Variants in FANCB observed in about 807,000 individuals in gnomAD.
The protein encoded by FANCB is FA complementation group B.
In FANCB, 5 loss-of-function variants were observed where a neutral mutation model predicts 38.9. The ratio of observed to expected loss-of-function variants is 0.13; its 90% confidence interval spans 0.07 to 0.27. FANCB has a LOEUF of 0.27. Among genes scored for constraint, FANCB ranks in the 10% least tolerant of loss-of-function variants. The pLI, the probability that FANCB is intolerant of heterozygous loss-of-function variation, is 1.00. For synonymous variants in FANCB, 236 were observed against 215.4 expected, an observed-to-expected ratio of 1.10 and a Z score of -0.84; for missense variants, 573 against 602.7, an observed-to-expected ratio of 0.95 and a Z score of 0.52.
chrX:14,863,023 T>C lies in FANCB; in HGVS notation c.951+1537A>G, dbSNP rs1321375275. Among the ~76,000 whole-genome samples, 9 of 112,493 alleles carry C rather than the reference T, an allele frequency of 8.0e-5. No individual in the cohort carries two copies. In the South Asian group the frequency reaches 2.9e-3, roughly 36 times the overall value. On this transcript the variant is annotated intron_variant, in intron 3 of 9. Coordinates refer to ENST00000650831, the MANE Select transcript of FANCB (RefSeq NM_001018113.3). ...ATAATGCGCTTTTAAAAGATTGCTT[T>C]CAAGATAAAATAGGATAGCTTTCAA...
At chrX:14,729,789 G>A in the FANCB span, among the ~76,000 whole-genome samples, 55,648 of 109,581 alleles carry the variant, frequency 0.51, 10,634 homozygotes, top group Non-Finnish European at 0.58. Context: ...ACACAGCACA[G>A]GCTCAGTAAA....
the FANCB span, among the ~76,000 whole-genome samples, chrX:14,829,739 G>A: frequency 8.9e-6 from 1 of 112,062 alleles, no homozygotes; most frequent in Admixed American, 9.5e-5. Context: ...GTTAGAGAGT[G>A]CTCTGGTTAG....
At chrX:14,781,199 G>C in the FANCB span, among the ~76,000 whole-genome samples, 2 of 106,785 alleles carry the variant, frequency 1.9e-5, no homozygotes, top group South Asian at 7.6e-4. Context: ...GGAGGCTCAG[G>C]TGGGCGGATC....
chrX:14,852,409 C>T (rs780774983), intron 6 of FANCB, among the ~76,000 whole-genome samples: 2 of 110,720 alleles, frequency 1.8e-5, no homozygotes, highest in Admixed American at 9.6e-5. Context: ...CCTCGTGATC[C>T]GCCCGTCTCG....
At chrX:14,713,951 C>T in the FANCB span, among the ~76,000 whole-genome samples, 1 of 111,214 alleles carries the variant, frequency 9.0e-6, no homozygotes, top group Non-Finnish European at 1.9e-5. Flanking sequence ...GTCTAGAAGC[C>T]AGCAGACCAT....
chrX:14,820,159 T>C, the FANCB span, among the ~76,000 whole-genome samples: 7 of 111,070 alleles, frequency 6.3e-5, no homozygotes, highest in Non-Finnish European at 9.4e-5. Flanking sequence ...TCTCTCTTCC[T>C]GGAAAACACT....
chrX:14,816,411 T>C, the FANCB span, among the ~76,000 whole-genome samples: 1 of 112,145 alleles, frequency 8.9e-6, no homozygotes, highest in Non-Finnish European at 1.9e-5. Flanking sequence ...CCCACTTGTT[T>C]CTTGTTTCAG....
chrX:14,697,204 G>T, the FANCB span, among the ~76,000 whole-genome samples: 1 of 112,058 alleles, frequency 8.9e-6, no homozygotes, highest in Non-Finnish European at 1.9e-5. Context: ...ACAACTGTGT[G>T]AGTAATGCAA....
chrX:14,774,474 G>T, the FANCB span, among the ~76,000 whole-genome samples: 1 of 111,924 alleles, frequency 8.9e-6, no homozygotes, highest in Non-Finnish European at 1.9e-5. Context: ...TTAATCAATG[G>T]CAATAGGGAC....
the FANCB span, among the ~76,000 whole-genome samples, chrX:14,763,560 C>T: frequency 8.9e-6 from 1 of 112,024 alleles, no homozygotes; most frequent in Non-Finnish European, 1.9e-5. Flanking sequence ...AAGCTTATAA[C>T]TCTGCTTCTT....
At chrX:14,707,748 A>G in the FANCB span, among the ~76,000 whole-genome samples, 1 of 81,138 alleles carries the variant, frequency 1.2e-5, no homozygotes, top group African/African-American at 5.1e-5. Flanking sequence ...CTACTTTGAC[A>G]GCAAAAAAGG....
At chrX:14,704,839 A>T in the FANCB span, among the ~76,000 whole-genome samples, 3 of 111,892 alleles carry the variant, frequency 2.7e-5, no homozygotes, top group South Asian at 1.1e-3. Flanking sequence ...ACTGCTTGAA[A>T]CCTGTTTTCA....
At chrX:14,845,845 T>A (rs1435349181) in intron 7 of FANCB, among the ~76,000 whole-genome samples, 1 of 111,987 alleles carries the variant, frequency 8.9e-6, no homozygotes, top group Non-Finnish European at 1.9e-5. Flanking sequence ...TATCTACATT[T>A]ATAATAATTT....
chrX:14,707,588 C>A, the FANCB span, among the ~76,000 whole-genome samples: 24 of 79,534 alleles, frequency 3.0e-4, no homozygotes, highest in Middle Eastern at 9.2e-3. Flanking sequence ...TCTAAAAAAA[C>A]CAAAAAACAA....
At chrX:14,717,740 TAAA>T in the FANCB span, among the ~76,000 whole-genome samples, 2 of 78,348 alleles carry the variant, frequency 2.6e-5, no homozygotes, top group Non-Finnish European at 2.5e-5. Flanking sequence ...TTCTGTAAAG[TAAA>T]AAAAAAAAAA....
chrX:14,719,887 CATT>C, the FANCB span, among the ~76,000 whole-genome samples: 1 of 111,704 alleles, frequency 9.0e-6, no homozygotes, highest in African/African-American at 3.3e-5. Flanking sequence ...CAAATCCTGT[CATT>C]AATAGTATGG....
downstream of FANCB, chrX:14,843,396 T>C: frequency 2.4e-6 from 1 of 410,093 alleles, no homozygotes; most frequent in Non-Finnish European, 4.2e-6. Flanking sequence ...GGAGATAAAA[T>C]GGCCCTAGTT....
chrX:14,856,839 GC>G (rs963706499), intron 5 of FANCB, among the ~76,000 whole-genome samples: 4 of 111,672 alleles, frequency 3.6e-5, no homozygotes, highest in Non-Finnish European at 7.5e-5. Context: ...ATAATCAAAT[GC>G]GAGTAAAAAC....
chrX:14,865,355 T>C lies in FANCB; in HGVS notation c.156A>G (p.Arg52=). ...ILHVRRMVFD[R]GTKVFVQKST... is the part of the protein sequence containing the mutation. Reference sequence around the variant, plus strand: ...ACTTCTGAACAAATACTTTTGTTCCTCTGTCAAATACCATTCTTCTGACAT... The same window carrying C: ...ACTTCTGAACAAATACTTTTGTTCCCCTGTCAAATACCATTCTTCTGACAT... Residue 52 remains arginine (R), a synonymous_variant, in exon 3 of 10, where the codon AGA becomes AGG. Transcript: ENST00000650831. The C allele has an allele frequency of 8.4e-7, 1 of 1,191,499 alleles. No homozygotes were observed. The highest frequency in any genetic ancestry group is 1.1e-6 in the Non-Finnish European group (1 of 885,656).
Sources: allele counts gnomAD v4.1 joint callset (sites outside exome capture counted in the v4.1 genomes callset), GRCh38; gene constraint gnomAD v4.1.1; transcripts MANE v1.5; gene names NCBI Gene and HGNC (gene_info 2026-07-23, HGNC 2026-07-21).